SOX30: variants seen among roughly 807,000 people sequenced by gnomAD.
SOX30 encodes SRY-box transcription factor 30, also known as transcription factor SOX-30.
Under a neutral mutation model 58.6 loss-of-function variants are expected in SOX30, and 17 were observed. The ratio of observed to expected loss-of-function variants is 0.29; its 90% CI spans 0.20 to 0.44. The LOEUF is 0.44. Ranked by LOEUF, SOX30 falls within the 20% of genes least tolerant of loss-of-function variation. SOX30 has a pLI of 1.00. For synonymous variants in SOX30, 421 were observed against 400.2 expected, an observed-to-expected ratio of 1.05 and a Z score of -0.62; for missense variants, 951 against 965.8, an observed-to-expected ratio of 0.98 and a Z score of 0.20.
chr5:157,635,804 A>G (rs760428628), intron 4 of SOX30, among the ~76,000 whole-genome samples: 11 of 152,198 alleles, frequency 7.2e-5, no homozygotes, highest in South Asian at 6.2e-4. Flanking sequence ...ACCTGCCCCA[A>G]TGTCCACTTG....
intron 2 of SOX30, among the ~76,000 whole-genome samples, chr5:157,667,252 T>C (rs2113860891): frequency 6.6e-6 from 1 of 152,312 alleles, no homozygotes; most frequent in Middle Eastern, 3.4e-3. Context: ...AAAATCTCTG[T>C]GGAGTATTCA....
In SOX30 at chr5:157,638,640, G is replaced by T; in HGVS notation, c.1470C>A (p.Ser490=). The change falls in exon 4 of 5, where the codon TCC becomes TCA. Residue 490 remains serine (S), a synonymous_variant. Coordinates refer to ENST00000265007, the MANE Select transcript of SOX30 (RefSeq NM_178424.2). ...SPVTLFQPSV[S]SAAQVAVQDP... ...CCTGGACAGCCACCTGAGCAGCACT[G>T]GAGACGCTGGGCTGGAAAAGTGTGA... 1 of 1,614,190 alleles carries T rather than the reference G, an allele frequency of 6.2e-7. No individual in the cohort carries two copies. Among genetic ancestry groups the T allele is most frequent in the Non-Finnish European group, 8.5e-7 (1 of 1,180,040 alleles).
intron 4 of SOX30, among the ~76,000 whole-genome samples, chr5:157,627,929 G>A (rs1183186052): frequency 6.6e-6 from 1 of 151,724 alleles, no homozygotes; most frequent in African/African-American, 2.4e-5. Flanking sequence ...AGAAGGCGGA[G>A]CTTGCAGTGA....
rs765367264 is a variant in SOX30 at position 157,638,463 on chromosome 5, A to C, written c.1647T>G (p.Ser549Arg). The change falls in exon 4 of 5, where the codon AGT (serine) becomes AGG (arginine). Residue 549 changes from serine to arginine, a missense_variant. Physicochemically the swap from Ser to Arg is moderately radical, Grantham distance 110. Transcript: ENST00000265007. The stretch of plus-strand genomic sequence containing the variant: ...CAAATCTGGCATGGGCAGTACTTGC[A>C]CTACTTGAAATCCTGTTGGCGCTCT... ...SLESANRISS[S>R]ASTAHARFAT... 1 of 1,614,198 alleles carries C rather than the reference A, an allele frequency of 6.2e-7. No individual in the cohort carries two copies. The highest frequency in any genetic ancestry group is 1.7e-5 in the Admixed American group (1 of 60,020).
intron 3 of SOX30, among the ~76,000 whole-genome samples, chr5:157,645,372 T>C (rs1273738161): frequency 1.3e-5 from 2 of 152,052 alleles, no homozygotes; most frequent in Non-Finnish European, 2.9e-5. Flanking sequence ...TTAGTAGGTT[T>C]AAGAAAGTGG....
chr5:157,647,546 C>T (rs549011822), intron 2 of SOX30, among the ~76,000 whole-genome samples: 18 of 152,104 alleles, frequency 1.2e-4, no homozygotes, highest in South Asian at 1.0e-3. Flanking sequence ...ATGCAATAGT[C>T]ACTAATGATC....
At chr5:157,666,840 G>A (rs569554217) in intron 2 of SOX30, among the ~76,000 whole-genome samples, 2 of 152,144 alleles carry the variant, frequency 1.3e-5, no homozygotes, top group East Asian at 1.9e-4. Context: ...TAAATAGTTG[G>A]GATTACAGGC....
chr5:157,626,504 G>C lies in SOX30; in HGVS notation c.2098C>G (p.His700Asp), dbSNP rs1456199891. The change falls in exon 5 of 5, where the codon CAT (histidine) becomes GAT (aspartate). Residue 700 changes from histidine to aspartate, a missense_variant. This residue lies in a region of SOX30 where 381 missense variants were observed against 390.0 expected (regional missense o/e 0.98). Transcript: ENST00000265007. The part of the protein sequence containing the change: ...NMNGTSYYNS[H>D]SHSGEENLNP... ...AAGTTTTCTTCCCCACTGTGGCTATGACTGTTATAGTAAGAAGTTCCATTC... is the reference window on the plus strand; with the variant it reads ...AAGTTTTCTTCCCCACTGTGGCTATCACTGTTATAGTAAGAAGTTCCATTC... 1.2e-6 allele frequency: 2 copies of C among 1,614,200 alleles called. No individual in the cohort carries two copies. The highest frequency in any genetic ancestry group is 1.7e-5 in the Admixed American group (1 of 60,020).
At chr5:157,667,852 C>T in exon 2 of SOX30, 4 of 1,535,478 alleles carry the variant, frequency 2.6e-6, no homozygotes, top group Non-Finnish European at 3.5e-6. Context: ...TTCTCCATGA[C>T]CTGGAACAAA....
rs149102002 is a variant in SOX30 at position 157,645,212 on chromosome 5, AAAC to A, written c.1387+1422_1387+1424del. Among the ~76,000 whole-genome samples, 605 of 152,250 alleles carry A rather than the reference AAAC, an allele frequency of 4.0e-3. 4 individuals carry two copies. The highest frequency in any genetic ancestry group is 0.014 in the African/African-American group (561 of 41,530). Reference sequence around the variant, plus strand: ...TCAATTGCTAAAATGATACATTAAAAAACAACAACAACAACAACACTGAAAATG... The same window carrying A: ...TCAATTGCTAAAATGATACATTAAAAAACAACAACAACAACACTGAAAATG... On this transcript the variant is annotated intron_variant, in intron 3 of 4. Coordinates refer to ENST00000265007, the MANE Select transcript of SOX30 (RefSeq NM_178424.2).
At chr5:157,658,517 T>C (rs1759522054) in intron 2 of SOX30, among the ~76,000 whole-genome samples, 1 of 152,252 alleles carries the variant, frequency 6.6e-6, no homozygotes, top group Non-Finnish European at 1.5e-5. Context: ...AGCACACTTA[T>C]GAATCTTCCA....
intron 3 of SOX30, among the ~76,000 whole-genome samples, chr5:157,643,840 G>A (rs1425122936): frequency 1.3e-5 from 2 of 152,060 alleles, no homozygotes; most frequent in Admixed American, 1.3e-4. Context: ...TATATGACAA[G>A]ATATTAAAAT....
chr5:157,652,603 G>A (rs1424959336), upstream of SOX30, among the ~76,000 whole-genome samples: 2 of 152,208 alleles, frequency 1.3e-5, no homozygotes, highest in Non-Finnish European at 1.5e-5. Context: ...AGGGAGAATG[G>A]GGAAGATTTT....
At chr5:157,646,552 A>G in intron 3 of SOX30, 85 bp downstream of exon 3, 11 of 963,034 alleles carry the variant, frequency 1.1e-5, no homozygotes, top group Non-Finnish European at 1.7e-5. Flanking sequence ...AATTCTTAAG[A>G]CTAACAGAAA....
At chr5:157,659,425 A>C (rs1447591822) in intron 2 of SOX30, among the ~76,000 whole-genome samples, 1 of 152,212 alleles carries the variant, frequency 6.6e-6, no homozygotes, top group Non-Finnish European at 1.5e-5. Context: ...ACTTTGGGTA[A>C]GTGGTGGGGT....
intron 4 of SOX30, among the ~76,000 whole-genome samples, chr5:157,631,051 A>ATATATATACAATATATATATTT (rs1758789423): frequency 4.7e-4 from 19 of 40,698 alleles, no homozygotes; most frequent in East Asian, 1.4e-3. Flanking sequence ...TATATTTTAT[A>ATATATATACAATATATATATTT]TATATATATA....
At chr5:157,654,711 A>G (rs1050385548), upstream of SOX30, among the ~76,000 whole-genome samples, 2 of 152,216 alleles carry the variant, frequency 1.3e-5, no homozygotes, top group African/African-American at 4.8e-5. Context: ...AACGGGTTGC[A>G]ATAAAGAAGC....
At chr5:157,652,533 C>G (rs764197254), upstream of SOX30, 7 of 230,274 alleles carry the variant, frequency 3.0e-5, no homozygotes, top group Non-Finnish European at 5.0e-5. Flanking sequence ...TGCACGCGCT[C>G]TGTGCGGCCT....
chr5:157,659,724 AG>A (rs1759542878), intron 2 of SOX30, among the ~76,000 whole-genome samples: 1 of 152,216 alleles, frequency 6.6e-6, no homozygotes, highest in Non-Finnish European at 1.5e-5. Context: ...TATACATTTT[AG>A]GGAGACATAG....
Sources: allele counts gnomAD v4.1 joint callset (sites outside exome capture counted in the v4.1 genomes callset), GRCh38; gene constraint gnomAD v4.1.1; regional missense constraint gnomAD v4.1.1; transcripts MANE v1.5; gene names NCBI Gene and HGNC (gene_info 2026-07-23, HGNC 2026-07-21).